The following KLHL5 variants were observed in gnomAD, a reference collection of about 807,000 sequenced individuals.
The protein encoded by KLHL5 is kelch like family member 5, also known as kelch-like protein 5.
A neutral mutation model predicts 77.7 loss-of-function variants in KLHL5; 48 were observed. That is an observed-to-expected ratio of 0.62 (90% CI 0.49 to 0.79). The LOEUF (loss-of-function observed/expected upper bound fraction) is 0.79. Ranked by LOEUF, KLHL5 falls within the 30% of genes least tolerant of loss-of-function variation. The pLI is 0.00. For missense variants in KLHL5, 723 were observed against 859.7 expected, an observed-to-expected ratio of 0.84 and a Z score of 1.99; for synonymous variants, 260 against 297.0, an observed-to-expected ratio of 0.88 and a Z score of 1.28.
intron 8 of KLHL5, among the ~76,000 whole-genome samples, chr4:39,110,942 A>G (rs1043949890): frequency 2.0e-5 from 3 of 152,208 alleles, no homozygotes; most frequent in Non-Finnish European, 2.9e-5. Context: ...CATTTAATTG[A>G]GCCAGGTGAT....
rs1250496290 is a variant in KLHL5 at position 39,123,958 on chromosome 4, G to T, written c.*2892G>T. On this transcript the variant is annotated 3_prime_UTR_variant, in exon 11 of 11. Transcript: ENST00000504108. ...AAAAATCCTAAAGAATCCACAAAAT[G>T]ATTCCGGCTGATTTTAAAAATTCAG... Among the ~76,000 whole-genome samples, 1 of 152,116 alleles carries T rather than the reference G, an allele frequency of 6.6e-6. No homozygotes were observed. The highest frequency in any genetic ancestry group is 2.4e-5 in the African/African-American group (1 of 41,424).
downstream of KLHL5, among the ~76,000 whole-genome samples, chr4:39,128,801 A>G (rs1462812434): frequency 6.6e-6 from 1 of 151,944 alleles, no homozygotes; most frequent in Non-Finnish European, 1.5e-5. Context: ...GTCTCTACAA[A>G]TATGTTTTTT....
At chr4:39,103,563 C>T in intron 7 of KLHL5, 52 bp downstream of exon 7, 3 of 1,435,920 alleles carry the variant, frequency 2.1e-6, no homozygotes, top group Non-Finnish European at 2.9e-6. Context: ...TCCCACGGCA[C>T]ATTTACATTC....
chr4:39,069,265 T>C (rs1227841672), intron 1 of KLHL5, among the ~76,000 whole-genome samples: 1 of 151,914 alleles, frequency 6.6e-6, no homozygotes, highest in Non-Finnish European at 1.5e-5. Flanking sequence ...AATACAGTCT[T>C]ACCCTAGGTA....
the KLHL5 span, among the ~76,000 whole-genome samples, chr4:39,141,928 T>C: frequency 6.6e-6 from 1 of 152,198 alleles, no homozygotes; most frequent in African/African-American, 2.4e-5. Flanking sequence ...GAGACAATTA[T>C]GTTGTCTTCT....
chr4:39,105,653 CAT>C (rs1312728556), intron 7 of KLHL5, among the ~76,000 whole-genome samples: 1 of 150,282 alleles, frequency 6.7e-6, no homozygotes, highest in Non-Finnish European at 1.5e-5. Flanking sequence ...TATATATACA[CAT>C]ATAAAATGTG....
At chr4:39,085,007 GC>G (rs1719922935) in intron 4 of KLHL5, among the ~76,000 whole-genome samples, 1 of 152,030 alleles carries the variant, frequency 6.6e-6, no homozygotes, top group Non-Finnish European at 1.5e-5. Context: ...AGTCAGCTTT[GC>G]TTTTTGCTTA....
chr4:39,072,577 G>A (rs1397845775), intron 1 of KLHL5, among the ~76,000 whole-genome samples: 1 of 152,110 alleles, frequency 6.6e-6, no homozygotes, highest in African/African-American at 2.4e-5. Context: ...TACGACTAGT[G>A]CAACTAAAGA....
At chr4:39,132,369 A>C in the KLHL5 span, among the ~76,000 whole-genome samples, 11 of 152,230 alleles carry the variant, frequency 7.2e-5, 1 homozygote, top group South Asian at 6.2e-4. Flanking sequence ...AGCACTTTGG[A>C]AAGCTGAGGC....
intron 10 of KLHL5, among the ~76,000 whole-genome samples, chr4:39,116,648 C>T (rs1038052953): frequency 1.5e-5 from 2 of 134,312 alleles, no homozygotes; most frequent in Non-Finnish European, 3.3e-5. Flanking sequence ...TTGTGTAATA[C>T]GTATTGAAGT....
chr4:39,115,521 T>C (rs1722774930), intron 10 of KLHL5, 191 bp downstream of exon 10: 6 of 1,481,636 alleles, frequency 4.0e-6, no homozygotes, highest in East Asian at 2.5e-5. Context: ...AGAATTACCT[T>C]TGAGATGTAA....
downstream of KLHL5, among the ~76,000 whole-genome samples, chr4:39,130,963 C>G (rs1182239618): frequency 6.6e-6 from 1 of 151,814 alleles, no homozygotes; most frequent in Non-Finnish European, 1.5e-5. Flanking sequence ...CTGCCTCAGC[C>G]TCCCAAGTAC....
At chr4:39,072,626 A>G (rs527341329) in intron 1 of KLHL5, among the ~76,000 whole-genome samples, 1 of 152,314 alleles carries the variant, frequency 6.6e-6, no homozygotes, top group South Asian at 2.1e-4. Context: ...AAATAGCCTC[A>G]TGGGGCTAGT....
chr4:39,071,622 T>G (rs1175573505), intron 1 of KLHL5, among the ~76,000 whole-genome samples: 1 of 152,174 alleles, frequency 6.6e-6, no homozygotes, highest in African/African-American at 2.4e-5. Context: ...TCCAAATCCC[T>G]TCACTAGGGA....
chr4:39,112,858 C>T, intron 8 of KLHL5, 162 bp from the exon 9 acceptor site: 1 of 623,070 alleles, frequency 1.6e-6, no homozygotes, highest in Non-Finnish European at 2.8e-6. Context: ...TTACATGTGT[C>T]ATTTCAAACA....
intron 8 of KLHL5, chr4:39,112,671 G>T: frequency 4.8e-6 from 1 of 206,596 alleles, no homozygotes; most frequent in South Asian, 8.3e-5. Context: ...AAAAGCCATG[G>T]TATATTTATA....
At chr4:39,057,590 T>C (rs1717088091), upstream of KLHL5, among the ~76,000 whole-genome samples, 1 of 152,172 alleles carries the variant, frequency 6.6e-6, no homozygotes, top group East Asian at 1.9e-4. Flanking sequence ...ATAGACCTAA[T>C]TTGACAAAGT....
chr4:39,132,915 T>G, the KLHL5 span, among the ~76,000 whole-genome samples: 1 of 152,202 alleles, frequency 6.6e-6, no homozygotes, highest in African/African-American at 2.4e-5. Flanking sequence ...CTATATTGAC[T>G]GCCATTACTA....
chr4:39,071,521 T>A (rs1307159990), intron 1 of KLHL5, among the ~76,000 whole-genome samples: 1 of 152,224 alleles, frequency 6.6e-6, no homozygotes, highest in Non-Finnish European at 1.5e-5. Flanking sequence ...TGTGAGCACA[T>A]GTACATGTAA....
Sources: gnomAD v4.1 joint callset for allele counts (sites outside exome capture counted in the v4.1 genomes callset) on GRCh38, gnomAD v4.1.1 for gene constraint, MANE v1.5 for transcripts, NCBI Gene and HGNC (gene_info 2026-07-23, HGNC 2026-07-21) for gene names.